LPXN: variants seen among roughly 807,000 people sequenced by gnomAD.
LPXN encodes leupaxin.
Under a neutral mutation model 45.6 loss-of-function variants are expected in LPXN, and 28 were observed. The observed-to-expected ratio is 0.61, with a 90% CI of 0.45 to 0.84. The LOEUF (loss-of-function observed/expected upper bound fraction) is 0.84. Among genes scored for constraint, LPXN ranks in the 40% least tolerant of loss-of-function variants. LPXN has a pLI of 0.00. For missense variants in LPXN, 459 were observed against 475.0 expected (o/e 0.97, Z 0.31); for synonymous variants, 166 against 169.9 (o/e 0.98, Z 0.18).
chr11:58,546,972 A>G (rs1456820015), intron 7 of LPXN, among the ~76,000 whole-genome samples: 1 of 152,178 alleles, frequency 6.6e-6, no homozygotes, highest in Non-Finnish European at 1.5e-5. Flanking sequence ...ATCACCACCA[A>G]GAAAGATGAG....
chr11:58,566,906 T>C (rs1565203949), intron 2 of LPXN, among the ~76,000 whole-genome samples: 1 of 152,190 alleles, frequency 6.6e-6, no homozygotes, highest in African/African-American at 2.4e-5. Context: ...CAGACAGGAA[T>C]ATACATATAG....
intron 3 of LPXN, among the ~76,000 whole-genome samples, chr11:58,558,981 A>C (rs1173886597): frequency 6.6e-6 from 1 of 151,926 alleles, no homozygotes; most frequent in Non-Finnish European, 1.5e-5. Flanking sequence ...CATAATATTC[A>C]AGATTTTAAA....
chr11:58,531,576 G>A lies in LPXN; in HGVS notation c.743-3385C>T, dbSNP rs186205137. The stretch of plus-strand genomic sequence containing the variant: ...GACTATGTGAAAAAAACAAATCTAC[G>A]TTTGACTGGTGTACCTGAAAGTTAT... On this transcript the variant is annotated intron_variant, in intron 7 of 8. Transcript: ENST00000395074. Among the ~76,000 whole-genome samples the A allele has an allele frequency of 2.0e-5, 3 of 152,184 alleles. No individual in the cohort carries two copies. The East Asian group carries it at 5.8e-4, about 29-fold the overall frequency.
At chr11:58,576,686 T>C (rs956873682), upstream of LPXN, among the ~76,000 whole-genome samples, 1 of 152,224 alleles carries the variant, frequency 6.6e-6, no homozygotes, top group Non-Finnish European at 1.5e-5. Flanking sequence ...AATAGGTTCA[T>C]GTAATAGCAA....
intron 7 of LPXN, among the ~76,000 whole-genome samples, chr11:58,541,343 C>G (rs368474519): frequency 1.5e-3 from 233 of 151,890 alleles, no homozygotes; most frequent in African/African-American, 5.0e-3. Context: ...AAATTTACAA[C>G]AAAAAAACAA....
rs1565181250 is a variant in LPXN at position 58,527,737 on chromosome 11, A to G, written c.892-14T>C. 1.2e-6 allele frequency: 2 copies of G among 1,606,996 alleles called. No individual in the cohort carries two copies. Among genetic ancestry groups the G allele is most frequent in the Admixed American group, 1.7e-5 (1 of 59,514 alleles). On this transcript the variant is annotated splice_polypyrimidine_tract_variant and intron_variant, in intron 8 of 8. Coordinates refer to ENST00000395074, the MANE Select transcript of LPXN (RefSeq NM_004811.3). The stretch of plus-strand genomic sequence containing the variant: ...GGTGAAGCAGTCCTGGGGTAGAGAG[A>G]AGAGAGAGAAAAAGAATGCAAATGT...
upstream of LPXN, among the ~76,000 whole-genome samples, chr11:58,578,868 T>A (rs577690142): frequency 6.6e-6 from 1 of 150,946 alleles, no homozygotes; most frequent in East Asian, 2.0e-4. Context: ...ACTTTGGGAT[T>A]GTCGCGAGAC....
At chr11:58,534,348 T>G (rs1042241499) in intron 7 of LPXN, among the ~76,000 whole-genome samples, 1 of 152,032 alleles carries the variant, frequency 6.6e-6, no homozygotes, top group African/African-American at 2.4e-5. Flanking sequence ...TGCAATCAAA[T>G]TAGAACTCAG....
intron 3 of LPXN, among the ~76,000 whole-genome samples, chr11:58,557,678 C>T (rs1224222781): frequency 6.6e-6 from 1 of 152,088 alleles, no homozygotes; most frequent in African/African-American, 2.4e-5. Flanking sequence ...TTTAGGATTC[C>T]TGTTGCAAGA....
At chr11:58,555,007 A>G (rs2120352210) in intron 3 of LPXN, 67 bp from the exon 4 acceptor site, 1 of 992,204 alleles carries the variant, frequency 1.0e-6, no homozygotes, top group South Asian at 1.3e-5. Context: ...ACCACACATA[A>G]AGTACTGGAA....
chr11:58,537,522 C>A (rs1003348835), intron 7 of LPXN, among the ~76,000 whole-genome samples: 1 of 151,788 alleles, frequency 6.6e-6, no homozygotes, highest in African/African-American at 2.4e-5. Flanking sequence ...AGGCAGGGGA[C>A]TAGGGGAGGG....
chr11:58,534,062 C>T (rs745371843), intron 7 of LPXN, among the ~76,000 whole-genome samples: 36 of 152,164 alleles, frequency 2.4e-4, no homozygotes, highest in Non-Finnish European at 4.6e-4. Context: ...TAGACTTCCA[C>T]ACAATAATAG....
intron 3 of LPXN, among the ~76,000 whole-genome samples, chr11:58,556,551 A>C (rs1854210080): frequency 6.6e-6 from 1 of 152,034 alleles, no homozygotes; most frequent in Admixed American, 6.6e-5. Flanking sequence ...TATATATTTG[A>C]AAAAAAGGCA....
upstream of LPXN, among the ~76,000 whole-genome samples, chr11:58,578,388 G>C (rs1392712503): frequency 1.3e-5 from 2 of 152,174 alleles, no homozygotes; most frequent in African/African-American, 4.8e-5. Context: ...GGCGAAATAA[G>C]ACTTCATCTC....
chr11:58,569,564 T>A (rs986789298), intron 2 of LPXN, among the ~76,000 whole-genome samples: 3 of 152,030 alleles, frequency 2.0e-5, no homozygotes, highest in Non-Finnish European at 4.4e-5. Flanking sequence ...CATTTTTTAA[T>A]TTTTCGTAGA....
intron 7 of LPXN, among the ~76,000 whole-genome samples, chr11:58,529,332 C>T (rs947176573): frequency 2.6e-5 from 4 of 151,962 alleles, no homozygotes; most frequent in Non-Finnish European, 5.9e-5. Flanking sequence ...AAAAATTGGC[C>T]GGGCACGGTG....
At chr11:58,562,812 T>G (rs5792109) in intron 3 of LPXN, among the ~76,000 whole-genome samples, 174 of 1,044 alleles carry the variant, frequency 0.17, 1 homozygote, top group East Asian at 0.36. Context: ...GAGCGACTTG[T>G]GGGGGGGAAA....
chr11:58,577,986 C>A, upstream of LPXN: 5 of 1,549,866 alleles, frequency 3.2e-6, no homozygotes, highest in Non-Finnish European at 4.4e-6. Context: ...AGTCGCTGAC[C>A]TCTAGGAGCT....
At chr11:58,577,146 C>T (rs866039397), upstream of LPXN, among the ~76,000 whole-genome samples, 1 of 150,908 alleles carries the variant, frequency 6.6e-6, no homozygotes, top group African/African-American at 2.4e-5. Context: ...ACTGTCTGTA[C>T]ATTTTTTTTT....
Sources: gnomAD v4.1 joint callset for allele counts (sites outside exome capture counted in the v4.1 genomes callset) on GRCh38, gnomAD v4.1.1 for gene constraint, MANE v1.5 for transcripts, NCBI Gene and HGNC (gene_info 2026-07-23, HGNC 2026-07-21) for gene names.